The following ZFP30 variants were observed in gnomAD, a reference collection of about 807,000 sequenced individuals.
ZFP30 encodes the protein zinc finger protein 30 homolog.
ZFP30 carries 16 observed loss-of-function variants against 12.3 expected under a neutral mutation model. The ratio of observed to expected loss-of-function variants is 1.30; its 90% CI spans 0.88 to 1.98. ZFP30 has a LOEUF of 1.98. Ranked by LOEUF, ZFP30 falls within the 30% of genes most tolerant of loss-of-function variation. The pLI is 0.00. For synonymous variants in ZFP30, 172 were observed against 201.0 expected, an observed-to-expected ratio of 0.86 and a Z score of 1.22; for missense variants, 560 against 611.2, an observed-to-expected ratio of 0.92 and a Z score of 0.88.
At chr19:37,653,382 C>T (rs2044691340) in intron 2 of ZFP30, among the ~76,000 whole-genome samples, 1 of 152,052 alleles carries the variant, frequency 6.6e-6, no homozygotes, top group African/African-American at 2.4e-5. Flanking sequence ...TGCATTTACC[C>T]CTCCTCAGCT....
chr19:37,643,854 A>C (rs1202195236), intron 4 of ZFP30, among the ~76,000 whole-genome samples: 1 of 152,210 alleles, frequency 6.6e-6, no homozygotes, highest in African/African-American at 2.4e-5. Context: ...CATGTATTTT[A>C]AACTTAATCA....
chr19:37,638,416 C>T (rs894956634), intron 5 of ZFP30, among the ~76,000 whole-genome samples: 2 of 152,124 alleles, frequency 1.3e-5, no homozygotes, highest in Non-Finnish European at 2.9e-5. Context: ...AAATTCTGAG[C>T]AAAGAGATGT....
rs753017690 is a variant in ZFP30 at position 37,635,630 on chromosome 19, C to T, written c.911G>A (p.Gly304Asp). 10 of 1,614,110 alleles carry T rather than the reference C, an allele frequency of 6.2e-6. No homozygotes were observed. Among genetic ancestry groups the T allele is most frequent in the Non-Finnish European group, 8.5e-6 (10 of 1,180,018 alleles). ...AEKCYECKEC[G>D]QAFLCSTGLR... is the part of the protein sequence containing the mutation. The stretch of plus-strand genomic sequence containing the variant: ...GCCTGTACTACACAGAAAGGCCTGA[C>T]CACATTCCTTACACTCATAGCACTT... The change falls in exon 6 of 6, where the codon GGT (glycine) becomes GAT (aspartate). Residue 304 changes from glycine (G) to aspartate (D), a missense_variant. Physicochemically the swap from Gly to Asp is moderately conservative, Grantham distance 94. Coordinates refer to ENST00000684514, the MANE Select transcript of ZFP30 (RefSeq NM_001320669.3).
chr19:37,646,831 C>T (rs1288990543), intron 3 of ZFP30, among the ~76,000 whole-genome samples: 1 of 152,138 alleles, frequency 6.6e-6, no homozygotes, highest in African/African-American at 2.4e-5. Flanking sequence ...CTCCTCTGCT[C>T]AAGTAGTCCT....
intron 5 of ZFP30, among the ~76,000 whole-genome samples, chr19:37,641,503 A>G (rs1044050559): frequency 6.6e-6 from 1 of 152,200 alleles, no homozygotes; most frequent in Non-Finnish European, 1.5e-5. Context: ...CGGCATAATA[A>G]TATCTCCATG....
intron 3 of ZFP30, among the ~76,000 whole-genome samples, chr19:37,645,354 T>C (rs896160609): frequency 1.3e-5 from 2 of 152,142 alleles, no homozygotes; most frequent in African/African-American, 4.8e-5. Context: ...AAGCAGAATA[T>C]GTGTTCTTGA....
chr19:37,649,350 G>A (rs1055730006), intron 2 of ZFP30, among the ~76,000 whole-genome samples: 9 of 152,024 alleles, frequency 5.9e-5, no homozygotes, highest in Non-Finnish European at 1.0e-4. Flanking sequence ...GAACTGGATT[G>A]GCAGATTTCA....
chr19:37,639,523 G>A (rs2044394824), intron 5 of ZFP30, among the ~76,000 whole-genome samples: 1 of 152,012 alleles, frequency 6.6e-6, no homozygotes, highest in African/African-American at 2.4e-5. Flanking sequence ...CACTTGGGGT[G>A]GAAGGATTAT....
chr19:37,638,976 C>T (rs2044382673), intron 5 of ZFP30, among the ~76,000 whole-genome samples: 1 of 151,938 alleles, frequency 6.6e-6, no homozygotes, highest in South Asian at 2.1e-4. Flanking sequence ...AATAAGTTTA[C>T]TTTTAAAAAG....
intron 1 of ZFP30, 33 bp from the exon 2 acceptor site, chr19:37,654,912 G>A (rs543473122): frequency 2.6e-4 from 39 of 152,376 alleles, no homozygotes; most frequent in African/African-American, 9.1e-4. Flanking sequence ...CAGGGCAGAG[G>A]GTCAGCAGTC....
chr19:37,645,632 A>T (rs1472975488), intron 3 of ZFP30, among the ~76,000 whole-genome samples: 3 of 151,082 alleles, frequency 2.0e-5, no homozygotes, highest in Admixed American at 1.3e-4. Flanking sequence ...ATTTCCAGAC[A>T]TATTCGGGTA....
chr19:37,646,933 T>C (rs1364856756), intron 3 of ZFP30, among the ~76,000 whole-genome samples: 3 of 152,138 alleles, frequency 2.0e-5, no homozygotes, highest in African/African-American at 7.2e-5. Context: ...TTGATTACAC[T>C]GTGAAATAAT....
At chr19:37,641,688 T>G (rs1359744270) in intron 5 of ZFP30, among the ~76,000 whole-genome samples, 1 of 152,242 alleles carries the variant, frequency 6.6e-6, no homozygotes, top group Non-Finnish European at 1.5e-5. Flanking sequence ...AAAAATGAAT[T>G]ATTAAATATC....
chr19:37,631,829 T>C lies in ZFP30; in HGVS notation c.*3152A>G, dbSNP rs1358029298. The C allele has an allele frequency of 6.6e-6, 1 of 152,184 alleles. No homozygotes were observed. The highest frequency in any genetic ancestry group is 1.5e-5 in the Non-Finnish European group (1 of 68,016). 9.4% of individuals were successfully genotyped at this position (152,184 alleles called of 1,614,324 possible). A position where few individuals can be genotyped will look rare whatever the true frequency, so the allele number is the denominator to read the frequency against. On this transcript the variant is annotated 3_prime_UTR_variant, in exon 6 of 6. Coordinates refer to ENST00000684514, the MANE Select transcript of ZFP30 (RefSeq NM_001320669.3). Reference sequence around the variant, plus strand: ...AAAGCTGGATGGATCTGGTCCAAGTTATTCCACATAAATGATTTTCTATTC... The same window carrying C: ...AAAGCTGGATGGATCTGGTCCAAGTCATTCCACATAAATGATTTTCTATTC...
intron 5 of ZFP30, among the ~76,000 whole-genome samples, chr19:37,638,463 T>A (rs532455865): frequency 1.3e-5 from 2 of 152,196 alleles, no homozygotes; most frequent in Non-Finnish European, 2.9e-5. Flanking sequence ...ATCTTTGCAA[T>A]AGGAATTCAA....
At chr19:37,641,126 A>T (rs1046240345) in intron 5 of ZFP30, among the ~76,000 whole-genome samples, 1 of 152,200 alleles carries the variant, frequency 6.6e-6, no homozygotes, top group Non-Finnish European at 1.5e-5. Context: ...ACATTCTCCA[A>T]TCAATCTATG....
At position 37,640,519 on chromosome 19, in the gene ZFP30, A is replaced by C. The variant is rs1017480071; in HGVS notation, c.235+2746T>G. 5.3e-5 allele frequency among the ~76,000 whole-genome samples: 8 copies of C among 151,340 alleles called. No individual in the cohort carries two copies. The East Asian group carries it at 1.5e-3, about 29-fold the overall frequency. On this transcript the variant is annotated intron_variant, in intron 5 of 5. Coordinates refer to ENST00000684514, the MANE Select transcript of ZFP30 (RefSeq NM_001320669.3). ...TCTAGTAAGCACTGCTAATGTGAAAACAAAATATTAGTCCATCTTAGATCA... is the reference window on the plus strand; with the variant it reads ...TCTAGTAAGCACTGCTAATGTGAAACCAAAATATTAGTCCATCTTAGATCA...
chr19:37,646,670 G>A (rs912070213), intron 3 of ZFP30, among the ~76,000 whole-genome samples: 4 of 152,128 alleles, frequency 2.6e-5, no homozygotes, highest in Non-Finnish European at 5.9e-5. Flanking sequence ...CGAACTCCTG[G>A]GTTCAAGCAA....
In ZFP30 at chr19:37,631,457, T is replaced by A. The variant is rs1209170949; in HGVS notation, c.*3524A>T. 1 of 152,182 alleles carries A rather than the reference T, an allele frequency of 6.6e-6. No individual in the cohort carries two copies. Among genetic ancestry groups the A allele is most frequent in the Non-Finnish European group, 1.5e-5 (1 of 68,034 alleles). 9.4% of individuals were successfully genotyped at this position (152,182 alleles called of 1,614,324 possible). The stretch of plus-strand genomic sequence containing the variant: ...ATGCTATCAAGTTTCATATTCCATT[T>A]GAGAAATGGAATATAATGATGTAAT... On this transcript the variant is annotated 3_prime_UTR_variant, in exon 6 of 6. Coordinates refer to ENST00000684514, the MANE Select transcript of ZFP30 (RefSeq NM_001320669.3).
Sources: allele counts gnomAD v4.1 joint callset (sites outside exome capture counted in the v4.1 genomes callset), GRCh38; gene constraint gnomAD v4.1.1; transcripts MANE v1.5; gene names NCBI Gene and HGNC (gene_info 2026-07-23, HGNC 2026-07-21).